The following AFG1L variants were observed in gnomAD, a reference collection of about 807,000 sequenced individuals.
The protein encoded by AFG1L is AFG1 like ATPase, also known as AFG1-like ATPase.
AFG1L carries 53 observed loss-of-function variants against 62.2 expected under a neutral mutation model. That is an observed-to-expected ratio of 0.85 (90% CI 0.68 to 1.07). The LOEUF is 1.07. Ranked by LOEUF, AFG1L falls within the 50% of genes least tolerant of loss-of-function variation. AFG1L has a pLI of 0.00. For synonymous variants in AFG1L, 228 were observed against 210.3 expected (o/e 1.08, Z -0.73); for missense variants, 555 against 590.5 (o/e 0.94, Z 0.62).
At chr6:108,474,729 GTTGT>G (rs1405625038) in intron 8 of AFG1L, among the ~76,000 whole-genome samples, 2 of 152,062 alleles carry the variant, frequency 1.3e-5, no homozygotes, top group African/African-American at 4.8e-5. Context: ...TTTTGATGGG[GTTGT>G]TTGTTTTCTT....
chr6:108,510,563 A>G (rs912092947), intron 11 of AFG1L, among the ~76,000 whole-genome samples: 2 of 152,214 alleles, frequency 1.3e-5, no homozygotes, highest in Non-Finnish European at 2.9e-5. Flanking sequence ...AAGCATTTAA[A>G]ACATTTGGCA....
chr6:108,403,757 G>A (rs768740618), intron 7 of AFG1L, among the ~76,000 whole-genome samples: 1 of 151,100 alleles, frequency 6.6e-6, no homozygotes, highest in Non-Finnish European at 1.5e-5. Context: ...AACAAGTTAA[G>A]GGGTTCTGAG....
At chr6:108,342,615 C>T (rs981894609) in intron 2 of AFG1L, among the ~76,000 whole-genome samples, 1 of 152,112 alleles carries the variant, frequency 6.6e-6, no homozygotes, top group African/African-American at 2.4e-5. Context: ...ATTTGATCCT[C>T]TGATTTTTCC....
intron 1 of AFG1L, 101 bp from the exon 2 acceptor site, chr6:108,323,723 AC>A: frequency 2.7e-6 from 2 of 733,922 alleles, no homozygotes; most frequent in Non-Finnish European, 4.6e-6. Context: ...CAATAGATAT[AC>A]TTGTAACTAG....
intron 6 of AFG1L, among the ~76,000 whole-genome samples, chr6:108,371,253 C>T (rs1779989534): frequency 6.6e-6 from 1 of 151,918 alleles, no homozygotes; most frequent in Non-Finnish European, 1.5e-5. Context: ...GGTGTGATAC[C>T]ACTACAAGAC....
intron 11 of AFG1L, among the ~76,000 whole-genome samples, chr6:108,513,006 G>A (rs886762770): frequency 5.9e-5 from 9 of 152,112 alleles, no homozygotes; most frequent in Admixed American, 2.6e-4. Context: ...ATCTAGTGTC[G>A]AATGTCAACA....
rs1017579542 is a variant in AFG1L at position 108,510,073 on chromosome 6, T to A, written c.1063-139T>A. 2.8e-5 allele frequency: 17 copies of A among 599,154 alleles called. No individual in the cohort carries two copies. In the African/African-American group the frequency reaches 3.0e-4, roughly 11 times the overall value. 37.1% of individuals were successfully genotyped at this position (599,154 alleles called of 1,614,324 possible). On this transcript the variant is annotated intron_variant, in intron 10 of 12. Transcript: ENST00000368977. ...CTGAAGTGCCTAGGGCAACTGCCTA[T>A]GGGTAACTTGGTCAAGTTACCCACA...
At chr6:108,514,111 G>A (rs1774776249) in intron 11 of AFG1L, among the ~76,000 whole-genome samples, 1 of 152,186 alleles carries the variant, frequency 6.6e-6, no homozygotes, top group Non-Finnish European at 1.5e-5. Context: ...AACCCCATCT[G>A]TACGTCACCA....
chr6:108,391,577 G>A (rs754739061), intron 6 of AFG1L, among the ~76,000 whole-genome samples: 8 of 152,082 alleles, frequency 5.3e-5, no homozygotes, highest in Admixed American at 2.0e-4. Context: ...CACTCTGTGC[G>A]TTGTCTGTTT....
intron 10 of AFG1L, among the ~76,000 whole-genome samples, chr6:108,502,267 G>T (rs540772916): frequency 6.6e-6 from 1 of 151,816 alleles, no homozygotes; most frequent in African/African-American, 2.4e-5. Context: ...GTGCAATGGC[G>T]TGATCTCGGC....
At chr6:108,485,088 C>T (rs924415589) in intron 10 of AFG1L, among the ~76,000 whole-genome samples, 1 of 152,166 alleles carries the variant, frequency 6.6e-6, no homozygotes, top group Non-Finnish European at 1.5e-5. Flanking sequence ...ACACCTTCCT[C>T]CTTTCTTCAC....
chr6:108,316,494 A>G (rs1777604819), intron 1 of AFG1L, among the ~76,000 whole-genome samples: 1 of 151,068 alleles, frequency 6.6e-6, no homozygotes, highest in East Asian at 1.9e-4. Flanking sequence ...TCATAAATTA[A>G]TTGACAAATA....
chr6:108,446,101 CA>C (rs1156831499), intron 7 of AFG1L, among the ~76,000 whole-genome samples: 14 of 122,974 alleles, frequency 1.1e-4, no homozygotes, highest in Middle Eastern at 4.4e-3. Context: ...CACACACACA[CA>C]CCCCTACATA....
intron 1 of AFG1L, among the ~76,000 whole-genome samples, chr6:108,319,211 A>G (rs1301849295): frequency 6.6e-6 from 1 of 152,184 alleles, no homozygotes; most frequent in East Asian, 1.9e-4. Context: ...GATATTTCCT[A>G]TGAATAACTT....
At chr6:108,446,665 C>T (rs1771820458) in intron 7 of AFG1L, among the ~76,000 whole-genome samples, 1 of 151,968 alleles carries the variant, frequency 6.6e-6, no homozygotes, top group Non-Finnish European at 1.5e-5. Flanking sequence ...CCACCACGCC[C>T]AGCTAATTTT....
Position 108,348,908 on chromosome 6 carries a change from CT to C in AFG1L, c.415+1878del, listed in dbSNP as rs148199584. Among the ~76,000 whole-genome samples, 270 of 151,796 alleles carry C rather than the reference CT, an allele frequency of 1.8e-3. 2 individuals are homozygous for C. Among genetic ancestry groups the C allele is most frequent in the African/African-American group, 6.1e-3 (251 of 41,416 alleles). On this transcript the variant is annotated intron_variant, in intron 3 of 12. Transcript: ENST00000368977. The stretch of plus-strand genomic sequence containing the variant: ...AACTGCTTCCACTTCTGTAAAAGCA[CT>C]TTTTTTTTAAAAACCCTATGAATGT...
chr6:108,316,674 A>G (rs555079294), intron 1 of AFG1L, among the ~76,000 whole-genome samples: 307 of 151,422 alleles, frequency 2.0e-3, no homozygotes, highest in African/African-American at 7.1e-3. Context: ...CTGGGACTAC[A>G]GGCACCTGCC....
intron 12 of AFG1L, 25 bp downstream of exon 12, chr6:108,519,835 T>C: frequency 6.9e-7 from 1 of 1,442,028 alleles, no homozygotes; most frequent in Non-Finnish European, 9.6e-7. Context: ...CATAATCTCT[T>C]TTTATTATAA....
intron 10 of AFG1L, 53 bp downstream of exon 10, chr6:108,477,345 T>G: frequency 1.9e-6 from 2 of 1,044,158 alleles, no homozygotes; most frequent in Non-Finnish European, 2.8e-6. Flanking sequence ...GTTAAAATAC[T>G]TCGTGTTTTC....
Sources: gnomAD v4.1 joint callset for allele counts (sites outside exome capture counted in the v4.1 genomes callset) on GRCh38, gnomAD v4.1.1 for gene constraint, MANE v1.5 for transcripts, NCBI Gene and HGNC (gene_info 2026-07-23, HGNC 2026-07-21) for gene names.